The following ASIP variants were observed in gnomAD, a reference collection of about 807,000 sequenced individuals.
ASIP encodes the protein agouti signaling protein.
A neutral mutation model predicts 10.3 loss-of-function variants in ASIP; 11 were observed. The observed-to-expected ratio is 1.07, with a 90% CI of 0.68 to 1.78. The LOEUF (loss-of-function observed/expected upper bound fraction) is 1.78. Among genes scored for constraint, ASIP ranks in the 40% most tolerant of loss-of-function variants. The pLI, the probability that ASIP is intolerant of heterozygous loss-of-function variation, is 0.00. For missense variants in ASIP, 180 were observed against 169.2 expected, an observed-to-expected ratio of 1.06 and a Z score of -0.35; for synonymous variants, 70 against 70.8, an observed-to-expected ratio of 0.99 and a Z score of 0.06.
In ASIP at chr20:34,260,488, C is replaced by T. The variant is rs146541846; in HGVS notation, c.114C>T (p.Ser38=). ...TCCGAGATGACAGGAGCCTGAGAAG[C>T]AACTCCTCTGTGAACCTACTGGATG... ...EKLRDDRSLR[S]NSSVNLLDVP... is the part of the protein sequence containing the mutation. The change falls in exon 2 of 4, where the codon AGC becomes AGT. Residue 38 remains serine (S), a synonymous_variant. Transcript: ENST00000374954. 3.2e-4 allele frequency: 514 copies of T among 1,614,068 alleles called. 3 individuals carry two copies. In the African/African-American group the frequency reaches 6.3e-3, roughly 20 times the overall value.
At chr20:34,200,209 T>A (rs1195528091) in intron 1 of ASIP, among the ~76,000 whole-genome samples, 1 of 152,242 alleles carries the variant, frequency 6.6e-6, no homozygotes, top group Non-Finnish European at 1.5e-5. Flanking sequence ...TTCCTTTTTT[T>A]AAATGTTGTG....
intron 1 of ASIP, among the ~76,000 whole-genome samples, chr20:34,217,384 G>C (rs1011550882): frequency 1.3e-5 from 2 of 151,244 alleles, no homozygotes; most frequent in Admixed American, 6.6e-5. Context: ...GTTGCAGTGA[G>C]CCGACATCTC....
chr20:34,210,895 A>C (rs571549441), intron 1 of ASIP, among the ~76,000 whole-genome samples: 2 of 152,212 alleles, frequency 1.3e-5, no homozygotes, highest in African/African-American at 2.4e-5. Flanking sequence ...TTCCTGGAAT[A>C]AACCCTATTT....
intron 1 of ASIP, among the ~76,000 whole-genome samples, chr20:34,248,826 G>A (rs1038742503): frequency 2.6e-5 from 4 of 151,452 alleles, no homozygotes; most frequent in African/African-American, 9.7e-5. Context: ...GAAATATTCA[G>A]CAGAATATGT....
upstream of ASIP, among the ~76,000 whole-genome samples, chr20:34,193,154 G>C (rs1050576499): frequency 2.6e-5 from 4 of 152,158 alleles, no homozygotes; most frequent in Non-Finnish European, 4.4e-5. Flanking sequence ...CTTTCCAACT[G>C]GGTATCCACA....
At chr20:34,241,368 G>A (rs957312986), upstream of ASIP, 1 of 792,014 alleles carries the variant, frequency 1.3e-6, no homozygotes, top group Non-Finnish European at 1.5e-6. Context: ...AAATAATTTT[G>A]TAGTATGATT....
At chr20:34,227,629 CAAAA>C (rs1207391194) in intron 1 of ASIP, among the ~76,000 whole-genome samples, 5 of 82,632 alleles carry the variant, frequency 6.1e-5, no homozygotes, top group Non-Finnish European at 1.2e-4. Context: ...GGCTCCATCT[CAAAA>C]AAAAAAAAAA....
chr20:34,212,614 T>C (rs906613349), intron 1 of ASIP, among the ~76,000 whole-genome samples: 1 of 152,228 alleles, frequency 6.6e-6, no homozygotes, highest in Non-Finnish European at 1.5e-5. Flanking sequence ...GTATTTATTT[T>C]CCTTCAGTAC....
chr20:34,267,459 C>CAAAAAAAAAAA (rs953440256), intron 3 of ASIP, among the ~76,000 whole-genome samples: 1 of 46,280 alleles, frequency 2.2e-5, no homozygotes, highest in Non-Finnish European at 4.4e-5. Flanking sequence ...AACTGGCTCT[C>CAAAAAAAAAAA]AAAAAAAAAA....
chr20:34,214,733 C>A, intron 1 of ASIP: 1 of 1,174,122 alleles, frequency 8.5e-7, no homozygotes, highest in African/African-American at 1.5e-5. Flanking sequence ...TTTTTCATAA[C>A]GGCCAACATG....
At chr20:34,207,593 T>A (rs1445021780) in intron 1 of ASIP, among the ~76,000 whole-genome samples, 1 of 152,204 alleles carries the variant, frequency 6.6e-6, no homozygotes, top group African/African-American at 2.4e-5. Context: ...ACTCAAGAAA[T>A]CTTTGCCAGG....
At chr20:34,201,689 T>G (rs986413840) in intron 1 of ASIP, among the ~76,000 whole-genome samples, 15 of 152,184 alleles carry the variant, frequency 9.9e-5, no homozygotes, top group African/African-American at 3.4e-4. Context: ...CAAAGAGGAT[T>G]TTTTTTCTTC....
chr20:34,224,512 C>T (rs1049198057), intron 1 of ASIP, among the ~76,000 whole-genome samples: 1 of 151,946 alleles, frequency 6.6e-6, no homozygotes, highest in Non-Finnish European at 1.5e-5. Flanking sequence ...GAATAATCAT[C>T]ATAATATAGT....
chr20:34,265,992 T>A (rs2122679138), intron 3 of ASIP, among the ~76,000 whole-genome samples: 1 of 152,054 alleles, frequency 6.6e-6, no homozygotes, highest in East Asian at 1.9e-4. Context: ...ACATTGTTAG[T>A]AAATTCTGGG....
intron 1 of ASIP, among the ~76,000 whole-genome samples, chr20:34,223,236 C>T (rs1256965849): frequency 5.3e-5 from 8 of 151,038 alleles, no homozygotes; most frequent in South Asian, 4.2e-4. Flanking sequence ...CGTCTCTGCC[C>T]GGCCGCCCAT....
At chr20:34,199,321 A>G (rs1318482397) in intron 1 of ASIP, among the ~76,000 whole-genome samples, 1 of 152,122 alleles carries the variant, frequency 6.6e-6, no homozygotes, top group Non-Finnish European at 1.5e-5. Context: ...TAAAGAACAT[A>G]TGAGTGCATT....
intron 1 of ASIP, among the ~76,000 whole-genome samples, chr20:34,230,715 G>A (rs2035115716): frequency 2.6e-5 from 1 of 37,800 alleles, no homozygotes; most frequent in African/African-American, 2.2e-4. Flanking sequence ...CTGGCCGGGC[G>A]GGGGGCTGAC....
intron 1 of ASIP, among the ~76,000 whole-genome samples, chr20:34,256,979 A>G (rs1215341876): frequency 6.6e-6 from 1 of 150,996 alleles, no homozygotes; most frequent in African/African-American, 2.4e-5. Context: ...TTCCCACCAC[A>G]TTCCACCACA....
intron 2 of ASIP, among the ~76,000 whole-genome samples, chr20:34,261,254 T>G (rs1423777311): frequency 6.6e-6 from 1 of 152,168 alleles, no homozygotes; most frequent in Non-Finnish European, 1.5e-5. Flanking sequence ...TCCCAGCACT[T>G]TGGGAAGCTG....
Sources: gnomAD v4.1 joint callset for allele counts (sites outside exome capture counted in the v4.1 genomes callset) on GRCh38, gnomAD v4.1.1 for gene constraint, MANE v1.5 for transcripts, NCBI Gene and HGNC (gene_info 2026-07-23, HGNC 2026-07-21) for gene names.